Variants in TOP3A observed in about 807,000 individuals in gnomAD.
The protein encoded by TOP3A is DNA topoisomerase 3-alpha.
In TOP3A, 64 loss-of-function variants were observed where a neutral mutation model predicts 111.3. The ratio of observed to expected loss-of-function variants is 0.57; its 90% CI spans 0.47 to 0.71. The LOEUF (loss-of-function observed/expected upper bound fraction) is 0.71, where lower values mean the gene tolerates loss of function less well. TOP3A is among the 30% of genes least tolerant of loss of function. TOP3A has a pLI of 0.00. For synonymous variants in TOP3A, 484 were observed against 485.1 expected (o/e 1.00, Z 0.03); for missense variants, 1,104 against 1,285.0 (o/e 0.86, Z 2.15).
chr17:18,300,392 C>T (rs1283532471), intron 8 of TOP3A, among the ~76,000 whole-genome samples: 1 of 149,268 alleles, frequency 6.7e-6, no homozygotes. Context: ...GACTTTGTCT[C>T]GGGGGAGAAA....
intron 16 of TOP3A, 45 bp from the exon 17 acceptor site, chr17:18,280,703 C>T (rs1340523597): frequency 6.2e-7 from 1 of 1,603,664 alleles, no homozygotes; most frequent in Non-Finnish European, 8.5e-7. Flanking sequence ...GCAGGAGATG[C>T]TCTCCGCTGT....
chr17:18,313,005 G>C (rs918824232), intron 1 of TOP3A: 1 of 152,530 alleles, frequency 6.6e-6, no homozygotes, highest in African/African-American at 2.4e-5. Flanking sequence ...AGCTACTAGG[G>C]AGGCTGAGGC....
In TOP3A at chr17:18,297,875, C is replaced by T. The variant is rs533672629; in HGVS notation, c.990+1684G>A. ...CTGGGAAGTGAGGAGCGTCTCTGCC[C>T]AGCCGCCCATCGTCTGGGATGTGAG... On this transcript the variant is annotated intron_variant, in intron 9 of 18. Coordinates refer to ENST00000321105, the MANE Select transcript of TOP3A (RefSeq NM_004618.5). Among the ~76,000 whole-genome samples, 726 of 152,074 alleles carry T rather than the reference C, an allele frequency of 4.8e-3. 4 individuals carry two copies. Among genetic ancestry groups the T allele is most frequent in the African/African-American group, 0.017 (704 of 41,398 alleles).
chr17:18,293,546 CA>C (rs955500503), intron 10 of TOP3A, among the ~76,000 whole-genome samples: 1 of 151,554 alleles, frequency 6.6e-6, no homozygotes, highest in Admixed American at 6.6e-5. Context: ...CTAGGCCTCC[CA>C]AAGTGCTCAG....
chr17:18,282,298 T>A (rs1979808802), intron 16 of TOP3A, among the ~76,000 whole-genome samples: 1 of 152,162 alleles, frequency 6.6e-6, no homozygotes, highest in Non-Finnish European at 1.5e-5. Flanking sequence ...TACTGACATT[T>A]TATAAAAGAA....
chr17:18,276,969 T>A (rs1466829236), intron 18 of TOP3A, among the ~76,000 whole-genome samples: 1 of 152,106 alleles, frequency 6.6e-6, no homozygotes, highest in East Asian at 1.9e-4. Flanking sequence ...GTGGATCACC[T>A]GAGGTGGAGT....
At position 18,276,039 on chromosome 17, in the gene TOP3A, C is replaced by T. The variant is rs548260752; in HGVS notation, c.2828-1059G>A. ...TGTCCAACTCTGTAAGGTTGAGGTG[C>T]GATGTGCCTGCTGCCTTATGTTACC... is the stretch of plus-strand genomic sequence containing the variant. On this transcript the variant is annotated intron_variant, in intron 18 of 18. Coordinates refer to ENST00000321105, the MANE Select transcript of TOP3A (RefSeq NM_004618.5). Among the ~76,000 whole-genome samples the T allele has an allele frequency of 9.2e-5, 14 of 152,294 alleles. No homozygotes were observed. In the East Asian group the frequency reaches 2.1e-3, roughly 23 times the overall value.
Position 18,285,392 on chromosome 17 carries a change from T to C in TOP3A, c.1711+15A>G. On this transcript the variant is annotated intron_variant, in intron 14 of 18. Transcript: ENST00000321105. ...ACACCACCCACTACCCACTGCAAGCTCTGTCCTCCCTTACCTTCCACAAGT... is the reference window on the plus strand; with the variant it reads ...ACACCACCCACTACCCACTGCAAGCCCTGTCCTCCCTTACCTTCCACAAGT... The C allele has an allele frequency of 6.2e-7, 1 of 1,613,734 alleles. No individual in the cohort carries two copies. The highest frequency in any genetic ancestry group is 8.5e-7 in the Non-Finnish European group (1 of 1,179,870).
At chr17:18,305,474 TAA>T (rs1491324900) in intron 4 of TOP3A, among the ~76,000 whole-genome samples, 4 of 68,450 alleles carry the variant, frequency 5.8e-5, no homozygotes, top group African/African-American at 3.2e-4. Context: ...AATTCAGCTC[TAA>T]CACACACACA....
intron 13 of TOP3A, among the ~76,000 whole-genome samples, chr17:18,289,516 G>C (rs1043240748): frequency 1.3e-5 from 2 of 152,172 alleles, no homozygotes; most frequent in African/African-American, 4.8e-5. Context: ...TACCTCAGGT[G>C]ATCCACCCAG....
chr17:18,291,039 AGAG>A lies in TOP3A; in HGVS notation c.1282-15_1282-13del, dbSNP rs1980447898. ...CGCTGTTCATCTCCCTAGGAAGAAAAGAGGAGTACGAAACTCCCCCTAGAATAT... is the reference window on the plus strand; with the variant it reads ...CGCTGTTCATCTCCCTAGGAAGAAAAGAGTACGAAACTCCCCCTAGAATAT... On this transcript the variant is annotated splice_polypyrimidine_tract_variant and intron_variant, in intron 11 of 18. Transcript: ENST00000321105. The A allele has an allele frequency of 6.2e-7, 1 of 1,613,344 alleles. No homozygotes were observed. Among genetic ancestry groups the A allele is most frequent in the Non-Finnish European group, 8.5e-7 (1 of 1,179,604 alleles).
At chr17:18,284,146 C>T (rs919816377) in intron 15 of TOP3A, among the ~76,000 whole-genome samples, 1 of 151,640 alleles carries the variant, frequency 6.6e-6, no homozygotes, top group Non-Finnish European at 1.5e-5. Flanking sequence ...ACTACAGGTA[C>T]GCACCACCAT....
Position 18,301,659 on chromosome 17 carries a change from C to A in TOP3A, c.915+226G>T, listed in dbSNP as rs113950392. Among the ~76,000 whole-genome samples the A allele has an allele frequency of 2.8e-3, 420 of 152,322 alleles. 5 individuals carry two copies. Among genetic ancestry groups the A allele is most frequent in the African/African-American group, 9.4e-3 (392 of 41,578 alleles). ...GCCCCAAGAGGGGATTTCAACTATA[C>A]GTTTCCCAAAATTTCTGATTTTATC... On this transcript the variant is annotated intron_variant, in intron 8 of 18. Transcript: ENST00000321105.
intron 16 of TOP3A, among the ~76,000 whole-genome samples, chr17:18,281,565 C>T (rs572754021): frequency 2.6e-4 from 39 of 152,300 alleles, no homozygotes; most frequent in African/African-American, 8.2e-4. Flanking sequence ...GAAAACCCAT[C>T]GACAGCATTT....
At chr17:18,291,747 A>C (rs1190121994) in intron 11 of TOP3A, among the ~76,000 whole-genome samples, 2 of 151,592 alleles carry the variant, frequency 1.3e-5, no homozygotes, top group Non-Finnish European at 2.9e-5. Context: ...ACAGAGTCTC[A>C]CTCTGTCGCC....
intron 11 of TOP3A, 61 bp from the exon 12 acceptor site, chr17:18,291,088 A>G: frequency 6.5e-7 from 1 of 1,547,414 alleles, no homozygotes; most frequent in Non-Finnish European, 8.8e-7. Flanking sequence ...GGACAGGAGC[A>G]TCACTGGTAG....
At chr17:18,310,801 C>G (rs1981863068) in intron 1 of TOP3A, among the ~76,000 whole-genome samples, 1 of 152,114 alleles carries the variant, frequency 6.6e-6, no homozygotes, top group African/African-American at 2.4e-5. Flanking sequence ...ACCTACATGG[C>G]TCTCTAAGAT....
Position 18,302,667 on chromosome 17 carries a change from C to G in TOP3A, c.556G>C (p.Val186Leu), listed in dbSNP as rs755827699. 5.0e-6 allele frequency: 8 copies of G among 1,614,052 alleles called. No individual in the cohort carries two copies. Among genetic ancestry groups the G allele is most frequent in the South Asian group, 2.2e-5 (2 of 91,090 alleles). Residue 186 changes from valine to leucine, a missense_variant, in exon 6 of 19, where the codon GTC becomes CTC. Physicochemically the swap from Val to Leu is conservative, Grantham distance 32 (BLOSUM62 1). Transcript: ENST00000321105. ...ARFSEITPHA[V>L]RTACENLTEP... is the part of the protein sequence containing the mutation. Reference sequence around the variant, plus strand: ...GTCAGGTTTTCACAAGCTGTCCTGACGGCATGGGGTGTGATCTCAGAGAAT... The same window carrying G: ...GTCAGGTTTTCACAAGCTGTCCTGAGGGCATGGGGTGTGATCTCAGAGAAT...
At chr17:18,275,658 G>T (rs113951050) in intron 18 of TOP3A, among the ~76,000 whole-genome samples, 5 of 147,880 alleles carry the variant, frequency 3.4e-5, no homozygotes, top group African/African-American at 1.3e-4. Flanking sequence ...CACCGTGCCC[G>T]GCCTTTTTTT....
Sources: allele counts gnomAD v4.1 joint callset (sites outside exome capture counted in the v4.1 genomes callset), GRCh38; gene constraint gnomAD v4.1.1; transcripts MANE v1.5; gene names NCBI Gene and HGNC (gene_info 2026-07-23, HGNC 2026-07-21).